PTPRM: variants seen among roughly 807,000 people sequenced by gnomAD.
The protein encoded by PTPRM is receptor-type tyrosine-protein phosphatase mu.
A neutral mutation model predicts 186.7 loss-of-function variants in PTPRM; 47 were observed. The observed-to-expected ratio is 0.25, with a 90% CI of 0.20 to 0.32. The LOEUF is 0.32. Among genes scored for constraint, PTPRM ranks in the 10% least tolerant of loss-of-function variants. The pLI is 1.00. For missense variants in PTPRM, 1,494 were observed against 1,865.0 expected (o/e 0.80, Z 3.66); for synonymous variants, 668 against 674.9 (o/e 0.99, Z 0.16).
intron 1 of PTPRM, among the ~76,000 whole-genome samples, chr18:7,773,799 C>T (rs1175661134): frequency 1.3e-5 from 2 of 152,060 alleles, no homozygotes; most frequent in East Asian, 1.9e-4. Flanking sequence ...AGGCTGGCCT[C>T]GAACTCCTGA....
intron 1 of PTPRM, among the ~76,000 whole-genome samples, chr18:7,760,335 C>A (rs546609401): frequency 6.6e-6 from 1 of 152,252 alleles, no homozygotes; most frequent in African/African-American, 2.4e-5. Flanking sequence ...GGGAATATTA[C>A]CTTAGAGATA....
intron 2 of PTPRM, among the ~76,000 whole-genome samples, chr18:7,787,552 T>C (rs655078): frequency 0.67 from 102,547 of 152,182 alleles, 36,467 homozygotes; most frequent in East Asian, 0.98. Context: ...CTTCCTGTCA[T>C]GGTGACTGTG....
At chr18:7,994,265 A>ACAC (rs145006322) in intron 7 of PTPRM, among the ~76,000 whole-genome samples, 19 of 148,906 alleles carry the variant, frequency 1.3e-4, no homozygotes, top group African/African-American at 4.7e-4. Flanking sequence ...GGATATAAAT[A>ACAC]ACACACACAC....
chr18:8,316,432 C>G (rs2095309543), intron 21 of PTPRM, among the ~76,000 whole-genome samples: 1 of 152,116 alleles, frequency 6.6e-6, no homozygotes, highest in Non-Finnish European at 1.5e-5. Flanking sequence ...GATATTCCAG[C>G]TCAAGGAGGT....
intron 9 of PTPRM, 144 bp from the exon 10 acceptor site, chr18:8,085,527 C>T: frequency 8.5e-6 from 6 of 705,326 alleles, no homozygotes; most frequent in Non-Finnish European, 1.4e-5. Context: ...TTCATCCCTT[C>T]AGTGGATTCA....
At chr18:8,092,458 G>C (rs895341816) in intron 11 of PTPRM, among the ~76,000 whole-genome samples, 1 of 152,092 alleles carries the variant, frequency 6.6e-6, no homozygotes, top group Non-Finnish European at 1.5e-5. Context: ...CTATTGCCCA[G>C]GCTAGAGTAT....
intron 7 of PTPRM, among the ~76,000 whole-genome samples, chr18:8,012,582 C>T (rs2084600970): frequency 6.6e-6 from 1 of 152,126 alleles, no homozygotes; most frequent in South Asian, 2.1e-4. Context: ...TCCTAGGCTA[C>T]CAAGTCAATA....
At chr18:8,390,391 A>G (rs2095803371) in intron 31 of PTPRM, among the ~76,000 whole-genome samples, 1 of 152,232 alleles carries the variant, frequency 6.6e-6, no homozygotes, top group South Asian at 2.1e-4. Flanking sequence ...ACACAGAACA[A>G]TAGCCTTAAA....
chr18:7,823,253 C>T (rs2045303543), intron 2 of PTPRM, among the ~76,000 whole-genome samples: 1 of 152,130 alleles, frequency 6.6e-6, no homozygotes, highest in Non-Finnish European at 1.5e-5. Flanking sequence ...GTGGTGTTTC[C>T]CTGGGTGAAA....
chr18:8,038,824 A>G (rs1235091784), intron 7 of PTPRM, among the ~76,000 whole-genome samples: 2 of 152,110 alleles, frequency 1.3e-5, no homozygotes, highest in African/African-American at 2.4e-5. Flanking sequence ...CCCCTACCCC[A>G]GTTTTAATTC....
intron 1 of PTPRM, among the ~76,000 whole-genome samples, chr18:7,701,475 G>A (rs909263607): frequency 1.3e-4 from 19 of 146,324 alleles, no homozygotes; most frequent in African/African-American, 4.3e-4. Context: ...TGGCGCGTGC[G>A]TGTAGTCCCA....
intron 19 of PTPRM, among the ~76,000 whole-genome samples, chr18:8,257,018 C>A (rs748388179): frequency 1.1e-4 from 17 of 152,174 alleles, no homozygotes; most frequent in Non-Finnish European, 2.2e-4. Context: ...TCTCCGCTGT[C>A]CCCTGGGGAA....
chr18:8,250,019 A>C (rs1426868501), intron 17 of PTPRM, among the ~76,000 whole-genome samples: 1 of 152,146 alleles, frequency 6.6e-6, no homozygotes, highest in Non-Finnish European at 1.5e-5. Flanking sequence ...AGAATTTAAG[A>C]TATATATATC....
intron 2 of PTPRM, among the ~76,000 whole-genome samples, chr18:7,844,318 T>G (rs912823151): frequency 2.0e-5 from 3 of 152,234 alleles, no homozygotes; most frequent in Admixed American, 2.0e-4. Context: ...TCTATAAATC[T>G]TATCCTCATT....
intron 19 of PTPRM, among the ~76,000 whole-genome samples, chr18:8,259,501 T>TA (rs1397046004): frequency 7.0e-6 from 1 of 143,812 alleles, no homozygotes; most frequent in Non-Finnish European, 1.5e-5. Context: ...CCCCACCTCT[T>TA]ATCCTTCCCC....
chr18:8,003,210 G>A (rs548874950), intron 7 of PTPRM, among the ~76,000 whole-genome samples: 6 of 152,224 alleles, frequency 3.9e-5, no homozygotes, highest in South Asian at 2.1e-4. Flanking sequence ...TGTTCTTGTG[G>A]TAGTGAATAA....
chr18:7,584,211 C>A (rs2036918317), intron 1 of PTPRM, among the ~76,000 whole-genome samples: 1 of 151,996 alleles, frequency 6.6e-6, no homozygotes, highest in Admixed American at 6.6e-5. Context: ...TTCAGAGTGA[C>A]TTTAAAAAAT....
At chr18:8,322,031 G>A (rs1213317709) in intron 22 of PTPRM, among the ~76,000 whole-genome samples, 1 of 152,076 alleles carries the variant, frequency 6.6e-6, no homozygotes, top group African/African-American at 2.4e-5. Context: ...CCAACAAAAT[G>A]GGCAATGAAG....
At chr18:8,114,973 G>T (rs1026627780) in intron 13 of PTPRM, 146 bp downstream of exon 13, 4 of 607,434 alleles carry the variant, frequency 6.6e-6, no homozygotes, top group Non-Finnish European at 1.1e-5. Context: ...ATGAATGCAT[G>T]TATGTATTAG....
Sources: allele counts gnomAD v4.1 joint callset (sites outside exome capture counted in the v4.1 genomes callset), GRCh38; gene constraint gnomAD v4.1.1; transcripts MANE v1.5; gene names NCBI Gene and HGNC (gene_info 2026-07-23, HGNC 2026-07-21).